Variants in ATP8B2 observed in about 807,000 individuals in gnomAD.
ATP8B2 encodes the protein ATPase phospholipid transporting 8B2, also known as phospholipid-transporting ATPase ID.
A neutral mutation model predicts 133.4 loss-of-function variants in ATP8B2; 70 were observed. The observed-to-expected ratio is 0.52, with a 90% CI of 0.43 to 0.64. The LOEUF (loss-of-function observed/expected upper bound fraction) is 0.64. ATP8B2 is among the 30% of genes least tolerant of loss of function. The probability of loss-of-function intolerance (pLI) is 0.00; values close to 1 mark genes in which losing one functional copy is unlikely to be tolerated. For synonymous variants in ATP8B2, 517 were observed against 589.5 expected, an observed-to-expected ratio of 0.88 and a Z score of 1.78; for missense variants, 1,101 against 1,535.7, an observed-to-expected ratio of 0.72 and a Z score of 4.73.
Position 154,346,872 on chromosome 1 carries a change from A to ATTTT in ATP8B2, c.3163+115_3163+118dup, listed in dbSNP as rs1686602239. 8.9e-6 allele frequency: 9 copies of ATTTT among 1,009,894 alleles called. No homozygotes were observed. Among genetic ancestry groups the ATTTT allele is most frequent in the Admixed American group, 6.5e-5 (2 of 30,862 alleles). The allele number at this position is 1,009,894 out of a possible 1,614,324, so 62.6% of individuals were successfully genotyped here. The stretch of plus-strand genomic sequence containing the variant: ...TTCTTATGTGCCAAGTATTCTGTTT[A>ATTTT]TTTTATTTATTTATTTATTTATTTT... On this transcript the variant is annotated intron_variant, in intron 26 of 27. Coordinates refer to ENST00000368489, the MANE Select transcript of ATP8B2 (RefSeq NM_001370597.1). The surrounding 1 kb of genome is among the most constrained non-coding windows in gnomAD (Gnocchi z 4.5).
At chr1:154,327,716 C>A in intron 1 of ATP8B2, 1 of 1,395,912 alleles carries the variant, frequency 7.2e-7, no homozygotes. Context: ...CCCTCCACCC[C>A]ACCCTTTGGG....
At position 154,342,915 on chromosome 1, in the gene ATP8B2, C is replaced by T. The variant is rs1238878909; in HGVS notation, c.1407C>T (p.Arg469=). The T allele has an allele frequency of 6.2e-7, 1 of 1,614,068 alleles. No homozygotes were observed. Among genetic ancestry groups the T allele is most frequent in the Non-Finnish European group, 8.5e-7 (1 of 1,180,048 alleles). The change falls in exon 15 of 28, where the codon CGC becomes CGT. Residue 469 remains arginine, a synonymous_variant. Coordinates refer to ENST00000368489, the MANE Select transcript of ATP8B2 (RefSeq NM_001370597.1). ...IGDPHTHEFF[R]LLSLCHTVMS... ...ACCCCCACACGCATGAGTTCTTCCG[C>T]CTCCTTTCCCTGTGTCATACTGTCA...
rs894509024 is a variant in ATP8B2 at position 154,348,873 on chromosome 1, A to G, written c.3328A>G (p.Lys1110Glu). ...CACACAGCTCGTGAGGAAGAAGCAGAAGGCCCAGCACCGCTGCATGCGGCG... is the reference window on the plus strand; with the variant it reads ...CACACAGCTCGTGAGGAAGAAGCAGGAGGCCCAGCACCGCTGCATGCGGCG... ...RYTQLVRKKQ[K>E]AQHRCMRRVG... The change falls in exon 28 of 28, where the codon AAG (lysine) becomes GAG (glutamate). Residue 1110 changes from lysine to glutamate, a missense_variant. Physicochemically the swap from Lys to Glu is moderately conservative, Grantham distance 56. Coordinates refer to ENST00000368489, the MANE Select transcript of ATP8B2 (RefSeq NM_001370597.1). 9 of 1,609,862 alleles carry G rather than the reference A, an allele frequency of 5.6e-6. No homozygotes were observed. Among genetic ancestry groups the G allele is most frequent in the African/African-American group, 1.3e-5 (1 of 74,858 alleles).
chr1:154,331,763 C>A lies in ATP8B2; in HGVS notation c.438+85C>A. ...ATGAATCTTTCCTGATTTACTGTTGCCTCTTAAACACCCGTGGCAGGAATC... is the reference window on the plus strand; with the variant it reads ...ATGAATCTTTCCTGATTTACTGTTGACTCTTAAACACCCGTGGCAGGAATC... On this transcript the variant is annotated intron_variant, in intron 7 of 27. Transcript: ENST00000368489. This position sits in a 1 kb window ranked among gnomAD's most constrained non-coding sequence, Gnocchi z 4.8. The A allele has an allele frequency of 6.9e-7, 1 of 1,454,596 alleles. No individual in the cohort carries two copies. The highest frequency in any genetic ancestry group is 9.7e-7 in the Non-Finnish European group (1 of 1,035,534). The allele number at this position is 1,454,596 out of a possible 1,614,324, so 90.1% of individuals were successfully genotyped here. A position where few individuals can be genotyped will look rare whatever the true frequency, so the allele number is the denominator to read the frequency against.
intron 1 of ATP8B2, among the ~76,000 whole-genome samples, chr1:154,326,183 T>C (rs1266735637): frequency 6.6e-6 from 1 of 151,976 alleles, no homozygotes; most frequent in Non-Finnish European, 1.5e-5. Flanking sequence ...CTCTGGGAGA[T>C]GATAGCTGTG....
Position 154,340,116 on chromosome 1 carries a change from G to T in ATP8B2, c.1035-738G>T, listed in dbSNP as rs1570863279. ...GATTGCTTGAGCCCAGGAGTTTGAGGCTACAGTGAGCTATGATTACACTAC... is the reference window on the plus strand; with the variant it reads ...GATTGCTTGAGCCCAGGAGTTTGAGTCTACAGTGAGCTATGATTACACTAC... On this transcript the variant is annotated intron_variant, in intron 12 of 27. Transcript: ENST00000368489. The surrounding 1 kb of genome is among the most constrained non-coding windows in gnomAD (Gnocchi z 4.0). 6.6e-6 allele frequency among the ~76,000 whole-genome samples: 1 copy of T among 152,040 alleles called. No individual in the cohort carries two copies. Among genetic ancestry groups the T allele is most frequent in the East Asian group, 1.9e-4 (1 of 5,190 alleles).
intron 12 of ATP8B2, among the ~76,000 whole-genome samples, chr1:154,338,052 C>T (rs899159059): frequency 6.6e-6 from 1 of 152,224 alleles, no homozygotes; most frequent in Non-Finnish European, 1.5e-5. Context: ...CAGTGTCAGA[C>T]TGAGATACCA....
At chr1:154,341,329 T>A (rs1041540358) in intron 13 of ATP8B2, 2 of 504,000 alleles carry the variant, frequency 4.0e-6, no homozygotes, top group Admixed American at 6.5e-5. Flanking sequence ...TACAAAAAAT[T>A]TAAAAATTAG....
At chr1:154,348,335 G>T in intron 26 of ATP8B2, 73 bp from the exon 27 acceptor site, 1 of 1,507,722 alleles carries the variant, frequency 6.6e-7, no homozygotes. Context: ...TAGGGAAGTG[G>T]AGCTGCCAGA....
rs1685972482 is a variant in ATP8B2, at chr1:154,331,062, C to T, written c.219C>T (p.Ile73=). The change falls in exon 5 of 28, where the codon ATC becomes ATT. Residue 73 remains isoleucine (I), a synonymous_variant. Coordinates refer to ENST00000368489, the MANE Select transcript of ATP8B2 (RefSeq NM_001370597.1). This position sits in a 1 kb window ranked among gnomAD's most constrained non-coding sequence, Gnocchi z 4.8. ...CTTTTTTTCAGTTGATCCCCCAGAT[C>T]TCTTCCCTGTCCTGGTTCACCACCA... ...FLLILQLIPQ[I]SSLSWFTTIV... 1.2e-6 allele frequency: 2 copies of T among 1,614,008 alleles called. No individual in the cohort carries two copies. Among genetic ancestry groups the T allele is most frequent in the Non-Finnish European group, 1.7e-6 (2 of 1,179,908 alleles).
In ATP8B2 at chr1:154,328,086, C is replaced by T. The variant is rs1163016455; in HGVS notation, c.-37-19C>T. 1.1e-5 allele frequency: 17 copies of T among 1,612,502 alleles called. No homozygotes were observed. The highest frequency in any genetic ancestry group is 2.2e-5 in the South Asian group (2 of 91,056). On this transcript the variant is annotated intron_variant, in intron 1 of 27. Transcript: ENST00000368489. This position sits in a 1 kb window ranked among gnomAD's most constrained non-coding sequence, Gnocchi z 4.6. ...TTATCCTCAGCTTCCTGACCTCATT[C>T]GTCTGTCACTTCTTGCAGGGTCTCC...
Position 154,349,266 on chromosome 1 carries a change from C to T in ATP8B2, c.*148C>T. The T allele has an allele frequency of 9.5e-7, 1 of 1,052,184 alleles. No individual in the cohort carries two copies. Among genetic ancestry groups the T allele is most frequent in the Non-Finnish European group, 1.4e-6 (1 of 739,360 alleles). The allele number at this position is 1,052,184 out of a possible 1,614,324, so 65.2% of individuals were successfully genotyped here. On this transcript the variant is annotated 3_prime_UTR_variant, in exon 28 of 28. Transcript: ENST00000368489. Reference sequence around the variant, plus strand: ...GTCCTGCTGGTCCCACCACACATGGCTGGGACATCTGTTCCCAGCTGTAGG... The same window carrying T: ...GTCCTGCTGGTCCCACCACACATGGTTGGGACATCTGTTCCCAGCTGTAGG...
In ATP8B2 at chr1:154,331,320, G is replaced by A. The variant is rs1271947805; in HGVS notation, c.304-124G>A. On this transcript the variant is annotated intron_variant, in intron 5 of 27. Transcript: ENST00000368489. The surrounding 1 kb of genome is among the most constrained non-coding windows in gnomAD (Gnocchi z 4.8). ...GCTGAGCGTGGGGAGAGGGAATCAG[G>A]GAGTGAACTGGTTTGTGATGGGGTG... 4 of 1,177,010 alleles carry A rather than the reference G, an allele frequency of 3.4e-6. No individual in the cohort carries two copies. In the African/African-American group the frequency reaches 6.0e-5, roughly 18 times the overall value. 72.9% of individuals were successfully genotyped at this position (1,177,010 alleles called of 1,614,324 possible).
At chr1:154,326,489 TG>T (rs1272683217) in intron 1 of ATP8B2, among the ~76,000 whole-genome samples, 5 of 152,074 alleles carry the variant, frequency 3.3e-5, no homozygotes, top group Non-Finnish European at 7.4e-5. Flanking sequence ...ACGTGGCTGA[TG>T]GGCCTGACCT....
Position 154,334,923 on chromosome 1 carries a change from A to G in ATP8B2, c.837+332A>G, listed in dbSNP as rs954245652. 9.2e-5 allele frequency among the ~76,000 whole-genome samples: 14 copies of G among 152,140 alleles called. No individual in the cohort carries two copies. The highest frequency in any genetic ancestry group is 3.4e-4 in the African/African-American group (14 of 41,418). On this transcript the variant is annotated intron_variant, in intron 11 of 27. Transcript: ENST00000368489. This position sits in a 1 kb window ranked among gnomAD's most constrained non-coding sequence, Gnocchi z 4.6. ...GAGGCCTTCATGGGGATGGAGAGGGAATTAAAAGAAAAATTTCCATTTGGA... is the reference window on the plus strand; with the variant it reads ...GAGGCCTTCATGGGGATGGAGAGGGGATTAAAAGAAAAATTTCCATTTGGA...
chr1:154,333,957 G>T lies in ATP8B2; in HGVS notation c.590-150G>T, dbSNP rs991412839. 2.6e-5 allele frequency: 25 copies of T among 957,732 alleles called. No individual in the cohort carries two copies. The East Asian group carries it at 6.2e-4, about 24-fold the overall frequency. The allele number at this position is 957,732 out of a possible 1,614,324, so 59.3% of individuals were successfully genotyped here. On this transcript the variant is annotated intron_variant, in intron 9 of 27. Transcript: ENST00000368489. ...GCCTGCTTCATTATTTTCCTGAAGA[G>T]TTGCATCAGCTCACACTCCTCCCAG...
In ATP8B2 at chr1:154,344,868, C is replaced by T. The variant is rs142060128; in HGVS notation, c.2286+83C>T. 9 of 1,544,198 alleles carry T rather than the reference C, an allele frequency of 5.8e-6. No homozygotes were observed. In the East Asian group the frequency reaches 9.1e-5, roughly 16 times the overall value. On this transcript the variant is annotated intron_variant, in intron 21 of 27. Coordinates refer to ENST00000368489, the MANE Select transcript of ATP8B2 (RefSeq NM_001370597.1). The surrounding 1 kb of genome is among the most constrained non-coding windows in gnomAD (Gnocchi z 4.1). ...GGCTTTTATATCTTGTTCTAATTTC[C>T]CCTGATTTCAGAGAAGACTGGTCTC...
intron 3 of ATP8B2, 88 bp downstream of exon 3, chr1:154,330,542 C>T (rs1685948728): frequency 3.5e-6 from 5 of 1,420,196 alleles, no homozygotes; most frequent in Non-Finnish European, 4.9e-6. Flanking sequence ...TGAGGGCTGC[C>T]TGGGAAGAGT....
Position 154,328,572 on chromosome 1 carries a change from G to A in ATP8B2, c.31+400G>A, listed in dbSNP as rs1685869859. Among the ~76,000 whole-genome samples the A allele has an allele frequency of 6.6e-6, 1 of 152,092 alleles. No homozygotes were observed. Among genetic ancestry groups the A allele is most frequent in the African/African-American group, 2.4e-5 (1 of 41,412 alleles). ...TGTGTGTGTGAAAGCGGTTGCCCCC[G>A]ACAACGCCGGCAGTCCGCTCACCCG... On this transcript the variant is annotated intron_variant, in intron 2 of 27. Coordinates refer to ENST00000368489, the MANE Select transcript of ATP8B2 (RefSeq NM_001370597.1). This position sits in a 1 kb window ranked among gnomAD's most constrained non-coding sequence, Gnocchi z 4.6.
Sources: allele counts gnomAD v4.1 joint callset (sites outside exome capture counted in the v4.1 genomes callset), GRCh38; gene constraint gnomAD v4.1.1; non-coding constraint Gnocchi (gnomAD v3.1); transcripts MANE v1.5; gene names NCBI Gene and HGNC (gene_info 2026-07-23, HGNC 2026-07-21).